CDH13: variants seen among roughly 807,000 people sequenced by gnomAD.
CDH13 encodes cadherin-13.
In CDH13, 24 loss-of-function variants were observed where a neutral mutation model predicts 63.8. The observed-to-expected ratio is 0.38, with a 90% CI of 0.27 to 0.53. The LOEUF (loss-of-function observed/expected upper bound fraction) is 0.53. CDH13 is among the 20% of genes least tolerant of loss of function. CDH13 has a pLI of 0.85. For missense variants in CDH13, 1,049 were observed against 903.1 expected (o/e 1.16, Z -2.07); for synonymous variants, 503 against 355.3 (o/e 1.42, Z -4.67).
At chr16:83,053,405 GAC>G (rs2030593019) in intron 3 of CDH13, among the ~76,000 whole-genome samples, 1 of 152,020 alleles carries the variant, frequency 6.6e-6, no homozygotes, top group South Asian at 2.1e-4. Context: ...GGTATCAGAA[GAC>G]ACACTCACAT....
intron 5 of CDH13, among the ~76,000 whole-genome samples, chr16:83,223,957 C>A (rs72802233): frequency 0.12 from 18,418 of 152,154 alleles, 1,366 homozygotes; most frequent in Non-Finnish European, 0.17. Flanking sequence ...ACACTGAACC[C>A]AGTTTGTAGC....
chr16:82,763,230 G>A (rs2034920898), intron 1 of CDH13, among the ~76,000 whole-genome samples: 1 of 151,984 alleles, frequency 6.6e-6, no homozygotes, highest in African/African-American at 2.4e-5. Flanking sequence ...TTTTGCACAG[G>A]TTACCCTACA....
At chr16:83,071,075 G>A (rs565837249) in intron 3 of CDH13, among the ~76,000 whole-genome samples, 2 of 152,174 alleles carry the variant, frequency 1.3e-5, no homozygotes, top group African/African-American at 4.8e-5. Flanking sequence ...CTAGGCATGA[G>A]ACACCATGCC....
Position 83,447,980 on chromosome 16 carries a change from T to C in CDH13, c.782-38497T>C, listed in dbSNP as rs557890417. On this transcript the variant is annotated intron_variant, in intron 6 of 13. Transcript: ENST00000567109. ...CAGGGAAAAAGATTGCTCTGGGAGT[T>C]TTCAGAAGCCCCTTTGACTCCCAAT... 3.3e-5 allele frequency among the ~76,000 whole-genome samples: 5 copies of C among 152,156 alleles called. No individual in the cohort carries two copies. In the South Asian group the frequency reaches 1.0e-3, roughly 32 times the overall value.
At chr16:83,233,954 T>C (rs2040075926) in intron 5 of CDH13, among the ~76,000 whole-genome samples, 1 of 152,168 alleles carries the variant, frequency 6.6e-6, no homozygotes, top group Non-Finnish European at 1.5e-5. Flanking sequence ...GGTCACACAG[T>C]GCTAAGTGAT....
intron 2 of CDH13, among the ~76,000 whole-genome samples, chr16:82,963,961 G>C (rs1378280226): frequency 6.6e-6 from 1 of 152,138 alleles, no homozygotes; most frequent in Non-Finnish European, 1.5e-5. Flanking sequence ...ACTCCTTTGT[G>C]GGAGTCCCAC....
intron 4 of CDH13, among the ~76,000 whole-genome samples, chr16:83,195,298 G>C (rs923084816): frequency 6.6e-6 from 1 of 152,160 alleles, no homozygotes; most frequent in Non-Finnish European, 1.5e-5. Context: ...ATTATAGTCT[G>C]TTCTTGCACT....
chr16:82,937,007 A>C (rs1358013384), intron 2 of CDH13, among the ~76,000 whole-genome samples: 6 of 152,166 alleles, frequency 3.9e-5, no homozygotes, highest in African/African-American at 1.4e-4. Context: ...CAACCAAAAC[A>C]AACCACAGGC....
chr16:83,505,246 TCTAA>T (rs1395193911), intron 7 of CDH13, among the ~76,000 whole-genome samples: 1 of 152,204 alleles, frequency 6.6e-6, no homozygotes, highest in Non-Finnish European at 1.5e-5. Flanking sequence ...GTTTCTCAGT[TCTAA>T]CTGTCATAAT....
intron 6 of CDH13, among the ~76,000 whole-genome samples, chr16:83,435,717 T>C (rs926714653): frequency 6.6e-6 from 1 of 152,204 alleles, no homozygotes; most frequent in African/African-American, 2.4e-5. Context: ...TCTCTTCCTC[T>C]GATAAATCTT....
chr16:83,369,822 C>A (rs1403295011), intron 6 of CDH13, among the ~76,000 whole-genome samples: 1 of 152,150 alleles, frequency 6.6e-6, no homozygotes, highest in Non-Finnish European at 1.5e-5. Context: ...CTAGAAACGG[C>A]CATTCCCAAA....
At chr16:83,555,829 A>C (rs1346562757) in intron 7 of CDH13, among the ~76,000 whole-genome samples, 2 of 152,246 alleles carry the variant, frequency 1.3e-5, no homozygotes, top group African/African-American at 2.4e-5. Flanking sequence ...TGAGGATTGT[A>C]AACATCTTAG....
chr16:82,823,816 A>G (rs1331008028), intron 1 of CDH13: 2 of 152,202 alleles, frequency 1.3e-5, no homozygotes, highest in African/African-American at 4.8e-5. Flanking sequence ...AGATTAATTT[A>G]AAATGCTAGA....
At chr16:83,061,101 C>G (rs935556747) in intron 3 of CDH13, among the ~76,000 whole-genome samples, 2 of 152,212 alleles carry the variant, frequency 1.3e-5, no homozygotes, top group Admixed American at 1.3e-4. Flanking sequence ...AAGGAGAAAT[C>G]TAGCCTTGGT....
chr16:83,249,352 C>T (rs774920578), intron 5 of CDH13, among the ~76,000 whole-genome samples: 6 of 152,172 alleles, frequency 3.9e-5, no homozygotes, highest in Non-Finnish European at 8.8e-5. Flanking sequence ...GGATTGTCTT[C>T]ACCATGGCAA....
chr16:83,502,663 T>G (rs561355069), intron 7 of CDH13, among the ~76,000 whole-genome samples: 9 of 152,320 alleles, frequency 5.9e-5, no homozygotes, highest in Middle Eastern at 3.4e-3. Context: ...TACATTAGTT[T>G]TGGGGGCTTG....
intron 1 of CDH13, among the ~76,000 whole-genome samples, chr16:82,735,402 C>T (rs1251804454): frequency 6.6e-6 from 1 of 152,198 alleles, no homozygotes; most frequent in Non-Finnish European, 1.5e-5. Context: ...CTGTGCTATT[C>T]ATAGCAAGAA....
intron 1 of CDH13, among the ~76,000 whole-genome samples, chr16:82,799,177 T>C (rs2036731976): frequency 6.6e-6 from 1 of 152,214 alleles, no homozygotes; most frequent in African/African-American, 2.4e-5. Flanking sequence ...TCCGCCATGA[T>C]GTTTGTAAGG....
At chr16:83,162,620 A>C (rs8045844) in intron 4 of CDH13, among the ~76,000 whole-genome samples, 1 of 150,834 alleles carries the variant, frequency 6.6e-6, no homozygotes, top group African/African-American at 2.4e-5. Flanking sequence ...TCTACTGAAG[A>C]GGTCCTCAAA....
Sources: gnomAD v4.1 joint callset for allele counts (sites outside exome capture counted in the v4.1 genomes callset) on GRCh38, gnomAD v4.1.1 for gene constraint, MANE v1.5 for transcripts, NCBI Gene and HGNC (gene_info 2026-07-23, HGNC 2026-07-21) for gene names.